Variants in ZFAND3 observed in about 807,000 individuals in gnomAD.
ZFAND3 encodes AN1-type zinc finger protein 3.
ZFAND3 carries 10 observed loss-of-function variants against 29.6 expected under a neutral mutation model. That is an observed-to-expected ratio of 0.34 (90% CI 0.21 to 0.57). The LOEUF is 0.57. ZFAND3 is among the 20% of genes least tolerant of loss of function. The pLI, the probability that ZFAND3 is intolerant of heterozygous loss-of-function variation, is 0.86. For missense variants in ZFAND3, 230 were observed against 304.5 expected (o/e 0.76, Z 1.82); for synonymous variants, 128 against 112.6 (o/e 1.14, Z -0.87).
chr6:37,835,431 A>G (rs377581727), intron 1 of ZFAND3, among the ~76,000 whole-genome samples: 1 of 148,420 alleles, frequency 6.7e-6, no homozygotes, highest in Non-Finnish European at 1.5e-5. Flanking sequence ...TGCTGGGATT[A>G]CAGGCGTGAG....
At chr6:37,919,242 C>T (rs539281701) in intron 1 of ZFAND3, among the ~76,000 whole-genome samples, 25 of 152,202 alleles carry the variant, frequency 1.6e-4, no homozygotes, top group East Asian at 7.7e-4. Flanking sequence ...GCCACCGCGC[C>T]GGGCTGAGAG....
chr6:38,073,006 T>C (rs984708431), intron 3 of ZFAND3, among the ~76,000 whole-genome samples: 5 of 152,206 alleles, frequency 3.3e-5, no homozygotes, highest in Non-Finnish European at 7.3e-5. Context: ...GACCTGACAG[T>C]GTTCACTTCT....
At chr6:38,034,239 A>G (rs1763615789) in intron 2 of ZFAND3, among the ~76,000 whole-genome samples, 1 of 152,176 alleles carries the variant, frequency 6.6e-6, no homozygotes, top group Admixed American at 6.5e-5. Context: ...TCTTTGTATG[A>G]AGCTTTTACC....
chr6:37,849,575 AT>A (rs949711898), intron 1 of ZFAND3, among the ~76,000 whole-genome samples: 94 of 151,754 alleles, frequency 6.2e-4, no homozygotes, highest in African/African-American at 2.1e-3. Context: ...TGCCTGGCTA[AT>A]TTTTTGTATT....
intron 2 of ZFAND3, among the ~76,000 whole-genome samples, chr6:38,010,245 A>G (rs1437394444): frequency 5.9e-5 from 9 of 152,156 alleles, no homozygotes; most frequent in Admixed American, 2.6e-4. Flanking sequence ...TGAACCTAGC[A>G]TGCATAGCTT....
rs5875608 is a variant in ZFAND3 at position 38,006,655 on chromosome 6, GTTT to G, written c.113-54918_113-54916del. Among the ~76,000 whole-genome samples the G allele has an allele frequency of 5.3e-3, 699 of 133,090 alleles. 5 individuals carry two copies. The highest frequency in any genetic ancestry group is 9.4e-3 in the African/African-American group (337 of 36,002). 87.3% of individuals were successfully genotyped at this position (133,090 alleles called of 152,430 possible). ...TAAGCCTACGGAGGTGAGGAAGAGG[GTTT>G]TTTTTTTTTTTTTTTTTTTAATTGA... On this transcript the variant is annotated intron_variant, in intron 2 of 5. Coordinates refer to ENST00000287218, the MANE Select transcript of ZFAND3 (RefSeq NM_021943.3).
In ZFAND3 at chr6:37,821,533, T is replaced by C. The variant is rs1000663047; in HGVS notation, c.71+1517T>C. On this transcript the variant is annotated intron_variant, in intron 1 of 5. Coordinates refer to ENST00000287218, the MANE Select transcript of ZFAND3 (RefSeq NM_021943.3). The stretch of plus-strand genomic sequence containing the variant: ...AGGCTTTGGGTGGATAATTTGCCGC[T>C]TCACACAGGGAGTGTAGGGTGGAGC... Among the ~76,000 whole-genome samples the C allele has an allele frequency of 7.9e-5, 12 of 152,344 alleles. No individual in the cohort carries two copies. The South Asian group carries it at 2.3e-3, about 29-fold the overall frequency.
chr6:38,021,800 C>A (rs1763359064), intron 2 of ZFAND3, among the ~76,000 whole-genome samples: 1 of 152,144 alleles, frequency 6.6e-6, no homozygotes, highest in South Asian at 2.1e-4. Flanking sequence ...TCCTGCTTTC[C>A]CCATTCAGCA....
intron 4 of ZFAND3, among the ~76,000 whole-genome samples, chr6:38,099,596 A>G (rs1581916508): frequency 1.3e-5 from 2 of 152,208 alleles, no homozygotes; most frequent in African/African-American, 4.8e-5. Context: ...TCCCACACCC[A>G]TCCACCCTTT....
intron 4 of ZFAND3, among the ~76,000 whole-genome samples, chr6:38,090,080 T>C (rs1288713665): frequency 1.3e-5 from 2 of 152,214 alleles, no homozygotes; most frequent in Non-Finnish European, 2.9e-5. Flanking sequence ...CTCGAACTCC[T>C]GACCTCAAGT....
chr6:38,115,003 G>A (rs1765389911), intron 4 of ZFAND3, among the ~76,000 whole-genome samples: 1 of 152,224 alleles, frequency 6.6e-6, no homozygotes, highest in African/African-American at 2.4e-5. Flanking sequence ...TAGGGATTCA[G>A]TGATCTAGAA....
intron 1 of ZFAND3, among the ~76,000 whole-genome samples, chr6:37,923,566 A>G (rs538219136): frequency 2.0e-4 from 31 of 152,374 alleles, no homozygotes; most frequent in African/African-American, 5.8e-4. Flanking sequence ...GATATAAAGT[A>G]TAGTAAATAC....
intron 3 of ZFAND3, among the ~76,000 whole-genome samples, chr6:38,066,016 T>A (rs1386538777): frequency 6.6e-6 from 1 of 152,166 alleles, no homozygotes; most frequent in Non-Finnish European, 1.5e-5. Context: ...TGGCTTGTTC[T>A]CCCCAACAGG....
intron 1 of ZFAND3, among the ~76,000 whole-genome samples, chr6:37,835,464 G>GTT (rs373349669): frequency 2.3e-3 from 316 of 137,118 alleles, no homozygotes; most frequent in African/African-American, 6.6e-3. Flanking sequence ...GCCTGTAAGA[G>GTT]TTTTTTTTTT....
At chr6:37,921,899 C>G (rs78119264) in intron 1 of ZFAND3, among the ~76,000 whole-genome samples, 2 of 122,630 alleles carry the variant, frequency 1.6e-5, no homozygotes, top group Non-Finnish European at 3.4e-5. Flanking sequence ...AAAAAAAAAA[C>G]AAACCCACAC....
intron 1 of ZFAND3, 95 bp from the exon 2 acceptor site, chr6:37,929,864 A>G (rs1040117748): frequency 3.2e-6 from 4 of 1,258,726 alleles, no homozygotes; most frequent in African/African-American, 3.0e-5. Context: ...CTGACCAGAA[A>G]GTTCTTTGCC....
At chr6:37,955,149 T>TTGTGTGTGTGTG (rs3047089) in intron 2 of ZFAND3, among the ~76,000 whole-genome samples, 8 of 148,844 alleles carry the variant, frequency 5.4e-5, no homozygotes, top group African/African-American at 7.4e-5. Context: ...CAACCAATTT[T>TTGTGTGTGTGTG]TGTGTGTGTG....
intron 1 of ZFAND3, among the ~76,000 whole-genome samples, chr6:37,854,964 G>GTTTTTT (rs34283914): frequency 8.9e-5 from 7 of 78,982 alleles, no homozygotes; most frequent in Non-Finnish European, 1.7e-4. Flanking sequence ...AATAATAGGT[G>GTTTTTT]TTTTTTTTTT....
At chr6:38,064,132 CTTA>C (rs1159252423) in intron 3 of ZFAND3, among the ~76,000 whole-genome samples, 1 of 152,108 alleles carries the variant, frequency 6.6e-6, no homozygotes, top group Non-Finnish European at 1.5e-5. Context: ...TTCTCTACAG[CTTA>C]TTATGGCCCT....
Sources: allele counts gnomAD v4.1 joint callset (sites outside exome capture counted in the v4.1 genomes callset), GRCh38; gene constraint gnomAD v4.1.1; transcripts MANE v1.5; gene names NCBI Gene and HGNC (gene_info 2026-07-23, HGNC 2026-07-21).